Variants in VWA3B observed in about 807,000 individuals in gnomAD.
VWA3B encodes the protein von Willebrand factor A domain-containing protein 3B.
VWA3B carries 138 observed loss-of-function variants against 158.3 expected under a neutral mutation model. The ratio of observed to expected loss-of-function variants is 0.87; its 90% CI spans 0.76 to 1.00. The LOEUF is 1.00. Among genes scored for constraint, VWA3B ranks in the 50% least tolerant of loss-of-function variants. VWA3B has a pLI of 0.00. For missense variants in VWA3B, 1,555 were observed against 1,565.1 expected (o/e 0.99, Z 0.11); for synonymous variants, 596 against 587.3 (o/e 1.01, Z -0.21).
At chr2:98,141,997 GA>G (rs2105107108) in intron 7 of VWA3B, among the ~76,000 whole-genome samples, 1 of 152,218 alleles carries the variant, frequency 6.6e-6, no homozygotes, top group East Asian at 1.9e-4. Context: ...TTGATTTCTA[GA>G]ATTCAGTTTA....
intron 15 of VWA3B, among the ~76,000 whole-genome samples, 183 bp downstream of exon 15, chr2:98,228,515 T>G (rs985708334): frequency 6.6e-6 from 1 of 152,206 alleles, no homozygotes; most frequent in Middle Eastern, 3.2e-3. Context: ...ACAATTTAAT[T>G]TAATTGTGGG....
chr2:98,217,246 T>G (rs2105596676), intron 13 of VWA3B, among the ~76,000 whole-genome samples: 1 of 152,314 alleles, frequency 6.6e-6, no homozygotes, highest in East Asian at 1.9e-4. Context: ...GCAGACTGAC[T>G]AACCGTACCC....
At chr2:98,158,559 A>G (rs1454464202) in intron 7 of VWA3B, among the ~76,000 whole-genome samples, 2 of 152,240 alleles carry the variant, frequency 1.3e-5, no homozygotes, top group African/African-American at 2.4e-5. Flanking sequence ...AGGTTGAGTG[A>G]CAGGCAGCCA....
At chr2:98,182,347 A>G (rs1680664581) in intron 9 of VWA3B, among the ~76,000 whole-genome samples, 1 of 152,236 alleles carries the variant, frequency 6.6e-6, no homozygotes, top group Non-Finnish European at 1.5e-5. Context: ...CTCCATGGAA[A>G]GGGCACTGTC....
chr2:98,167,037 A>G lies in VWA3B; in HGVS notation c.1114+4061A>G, dbSNP rs1307755570. Among the ~76,000 whole-genome samples the G allele has an allele frequency of 3.9e-5, 6 of 152,108 alleles. No individual in the cohort carries two copies. In the East Asian group the frequency reaches 1.2e-3, roughly 29 times the overall value. ...GAGTTACTGAGGCAAAGGCTGGGTCAGTTCAAGACTGGCTTGGAAGGCCTC... is the reference window on the plus strand; with the variant it reads ...GAGTTACTGAGGCAAAGGCTGGGTCGGTTCAAGACTGGCTTGGAAGGCCTC... On this transcript the variant is annotated intron_variant, in intron 8 of 27. Transcript: ENST00000477737.
chr2:98,172,776 G>T (rs1679705669), intron 8 of VWA3B, among the ~76,000 whole-genome samples: 2 of 152,148 alleles, frequency 1.3e-5, no homozygotes, highest in South Asian at 4.1e-4. Context: ...GTCAGGGTGG[G>T]GAATGACACA....
At chr2:98,275,989 C>T (rs903947349) in intron 22 of VWA3B, among the ~76,000 whole-genome samples, 1 of 152,210 alleles carries the variant, frequency 6.6e-6, no homozygotes, top group South Asian at 2.1e-4. Flanking sequence ...TGTGCAGTGG[C>T]ATCACTGGGT....
intron 10 of VWA3B, among the ~76,000 whole-genome samples, chr2:98,188,352 A>G (rs1303183859): frequency 6.6e-6 from 1 of 152,190 alleles, no homozygotes; most frequent in African/African-American, 2.4e-5. Flanking sequence ...GTATGTTGTG[A>G]ACATTCAAAA....
rs1264106065 is a variant in VWA3B, at chr2:98,137,390, A to T, written c.988+3451A>T. 2.6e-5 allele frequency among the ~76,000 whole-genome samples: 4 copies of T among 152,290 alleles called. No individual in the cohort carries two copies. The East Asian group carries it at 7.7e-4, about 29-fold the overall frequency. The stretch of plus-strand genomic sequence containing the variant: ...GGTTTTTATTTGGATTTCCCTAATG[A>T]TTCATTATTTTGAGCATCTTTTCAT... On this transcript the variant is annotated intron_variant, in intron 7 of 27. Coordinates refer to ENST00000477737, the MANE Select transcript of VWA3B (RefSeq NM_144992.5).
At position 98,230,222 on chromosome 2, in the gene VWA3B, A is replaced by G; in HGVS notation, c.2308+15A>G. 6.5e-7 allele frequency: 1 copy of G among 1,535,706 alleles called. No homozygotes were observed. Among genetic ancestry groups the G allele is most frequent in the Non-Finnish European group, 8.7e-7 (1 of 1,147,028 alleles). On this transcript the variant is annotated intron_variant, in intron 16 of 27. Coordinates refer to ENST00000477737, the MANE Select transcript of VWA3B (RefSeq NM_144992.5). ...CCTTCACGCAGGTATCAGTGAACAA[A>G]ATGGCTTGACTCTTTGCTGGTTTCT...
intron 19 of VWA3B, among the ~76,000 whole-genome samples, chr2:98,246,879 C>A (rs1009842289): frequency 2.0e-5 from 3 of 151,844 alleles, no homozygotes; most frequent in East Asian, 3.8e-4. Context: ...TTTGTAAATA[C>A]GAATATATTT....
intron 1 of VWA3B, among the ~76,000 whole-genome samples, chr2:98,088,692 G>A (rs774370287): frequency 3.3e-5 from 5 of 152,034 alleles, no homozygotes; most frequent in Middle Eastern, 6.3e-3. Flanking sequence ...CTCAGCTGAG[G>A]AAACTCTGAA....
chr2:98,126,851 C>G (rs1457421625), intron 5 of VWA3B, among the ~76,000 whole-genome samples: 2 of 152,154 alleles, frequency 1.3e-5, no homozygotes, highest in Non-Finnish European at 2.9e-5. Context: ...TCCTAAGTCC[C>G]AGTCTGGGCC....
intron 19 of VWA3B, among the ~76,000 whole-genome samples, chr2:98,242,868 T>A (rs1438576438): frequency 6.6e-6 from 1 of 151,666 alleles, no homozygotes; most frequent in African/African-American, 2.4e-5. Flanking sequence ...TGTCAAGTCA[T>A]GACATTTTGT....
At chr2:98,157,355 C>T (rs1678172814) in intron 7 of VWA3B, among the ~76,000 whole-genome samples, 1 of 152,140 alleles carries the variant, frequency 6.6e-6, no homozygotes, top group African/African-American at 2.4e-5. Flanking sequence ...CACACTGTGC[C>T]TCTGTGGTTA....
chr2:98,156,084 G>A (rs1037380462), intron 7 of VWA3B, among the ~76,000 whole-genome samples: 8 of 152,182 alleles, frequency 5.3e-5, no homozygotes, highest in Admixed American at 1.3e-4. Flanking sequence ...TTTCAGGGGC[G>A]TCTGCCACAG....
intron 22 of VWA3B, among the ~76,000 whole-genome samples, chr2:98,288,535 T>C (rs974395506): frequency 6.6e-6 from 1 of 152,232 alleles, no homozygotes; most frequent in African/African-American, 2.4e-5. Flanking sequence ...AATTCATTCA[T>C]ATAGAAAATA....
At chr2:98,261,584 C>G (rs562779587) in intron 21 of VWA3B, among the ~76,000 whole-genome samples, 1 of 151,810 alleles carries the variant, frequency 6.6e-6, no homozygotes, top group African/African-American at 2.4e-5. Flanking sequence ...CCTTTTAGGA[C>G]AGGTCTACTA....
intron 8 of VWA3B, among the ~76,000 whole-genome samples, chr2:98,167,572 T>C (rs1479492032): frequency 6.6e-6 from 1 of 152,122 alleles, no homozygotes; most frequent in Non-Finnish European, 1.5e-5. Flanking sequence ...TTTGGGAGAC[T>C]GAGCTGAGGG....
Sources: gnomAD v4.1 joint callset for allele counts (sites outside exome capture counted in the v4.1 genomes callset) on GRCh38, gnomAD v4.1.1 for gene constraint, MANE v1.5 for transcripts, NCBI Gene and HGNC (gene_info 2026-07-23, HGNC 2026-07-21) for gene names.